The following LRP1 variants were observed in gnomAD, a reference collection of about 807,000 sequenced individuals.
LRP1 encodes the protein prolow-density lipoprotein receptor-related protein 1.
A neutral mutation model predicts 541.5 loss-of-function variants in LRP1; 51 were observed. The observed-to-expected ratio is 0.09, with a 90% CI of 0.08 to 0.12. LRP1 has a LOEUF of 0.12. Ranked by LOEUF, LRP1 falls within the 10% of genes least tolerant of loss-of-function variation. The pLI is 1.00. For synonymous variants in LRP1, 2,219 were observed against 2,470.8 expected (o/e 0.90, Z 3.02); for missense variants, 3,878 against 6,376.2 (o/e 0.61, Z 13.34).
At position 57,165,798 on chromosome 12, in the gene LRP1, C is replaced by T. The variant is rs2035826339; in HGVS notation, c.2531-7C>T. On this transcript the variant is annotated splice_region_variant and splice_polypyrimidine_tract_variant and intron_variant, in intron 15 of 88. Coordinates refer to ENST00000243077, the MANE Select transcript of LRP1 (RefSeq NM_002332.3). This position sits in a 1 kb window ranked among gnomAD's most constrained non-coding sequence, Gnocchi z 4.5. Reference sequence around the variant, plus strand: ...CTTTCCCCCTCACGATCCTGTGGTGCCCACAGCGAACCCATCCTACGTGCC... The same window carrying T: ...CTTTCCCCCTCACGATCCTGTGGTGTCCACAGCGAACCCATCCTACGTGCC... 3 of 1,613,290 alleles carry T rather than the reference C, an allele frequency of 1.9e-6. No individual in the cohort carries two copies. The highest frequency in any genetic ancestry group is 1.3e-5 in the African/African-American group (1 of 75,072).
chr12:57,204,635 G>C lies in LRP1; in HGVS notation c.11080G>C (p.Val3694Leu), dbSNP rs146573053. 10 of 1,613,872 alleles carry C rather than the reference G, an allele frequency of 6.2e-6. No homozygotes were observed. The highest frequency in any genetic ancestry group is 8.5e-6 in the Non-Finnish European group (10 of 1,180,004). Residue 3694 changes from valine to leucine, a missense_variant, in exon 72 of 89, where the codon GTG becomes CTG. Around this residue, in one of 13 missense-constraint regions of LRP1, gnomAD observed 871 missense variants for 1,212.4 expected, o/e 0.72. Coordinates refer to ENST00000243077, the MANE Select transcript of LRP1 (RefSeq NM_002332.3). The surrounding 1 kb of genome is among the most constrained non-coding windows in gnomAD (Gnocchi z 5.3). ...DENPEECARFVCPPNRPFRCK... is the reference protein window; with the variant it reads ...DENPEECARFLCPPNRPFRCK... ...CCCCCTGGCTGCTGCAGCCCGGTTC[G>C]TGTGCCCTCCCAACCGGCCCTTCCG...
At position 57,184,377 on chromosome 12, in the gene LRP1, G is replaced by T; in HGVS notation, c.6111G>T (p.Arg2037=). ...AGTATCCGCGTATTGAGCGGTCTCG[G>T]CTAGATGGCACGGAGCGTGTGGTGC... ...WGQYPRIERS[R]LDGTERVVLV... The change falls in exon 38 of 89, where the codon CGG becomes CGT. Residue 2037 remains arginine (R), a synonymous_variant. Coordinates refer to ENST00000243077, the MANE Select transcript of LRP1 (RefSeq NM_002332.3). The surrounding 1 kb of genome is among the most constrained non-coding windows in gnomAD (Gnocchi z 7.8). 2 of 1,614,236 alleles carry T rather than the reference G, an allele frequency of 1.2e-6. No homozygotes were observed. The highest frequency in any genetic ancestry group is 8.5e-7 in the Non-Finnish European group (1 of 1,180,046).
At position 57,203,183 on chromosome 12, in the gene LRP1, C is replaced by T; in HGVS notation, c.10714C>T (p.Pro3572Ser). 1 of 1,584,048 alleles carries T rather than the reference C, an allele frequency of 6.3e-7. No homozygotes were observed. The highest frequency in any genetic ancestry group is 8.6e-7 in the Non-Finnish European group (1 of 1,164,536). ...CTGTCTCCCCCTGTCCTTCCCAGCC[C>T]CTCGGCCCTGCTCCGAGAGTGAGTT... ...GDNSDEESCT[P>S]RPCSESEFSC... The change falls in exon 69 of 89, where the codon CCT (proline) becomes TCT (serine). Residue 3572 changes from proline to serine, a missense_variant and splice_region_variant. Physicochemically the swap from Pro to Ser is moderately conservative, Grantham distance 74. Around this residue, in one of 13 missense-constraint regions of LRP1, gnomAD observed 278 missense variants for 536.3 expected, o/e 0.52. Transcript: ENST00000243077.
At chr12:57,142,262 CT>C (rs1049736865) in intron 3 of LRP1, among the ~76,000 whole-genome samples, 1 of 152,230 alleles carries the variant, frequency 6.6e-6, no homozygotes, top group African/African-American at 2.4e-5. Flanking sequence ...CTTCTCCCTT[CT>C]CTTTTCTTCG....
intron 68 of LRP1, 121 bp downstream of exon 68, chr12:57,202,658 C>T (rs912263241): frequency 4.5e-5 from 32 of 718,276 alleles, no homozygotes; most frequent in South Asian, 1.5e-4. Context: ...GGGCAGGAGC[C>T]GCCCTCCTCA....
In LRP1 at chr12:57,141,368, C is replaced by T. The variant is rs756901998; in HGVS notation, c.191-6C>T. On this transcript the variant is annotated splice_polypyrimidine_tract_variant and splice_region_variant and intron_variant, in intron 2 of 88. Transcript: ENST00000243077. Reference sequence around the variant, plus strand: ...TGTTCATGCCCACCCTTCTGTCTGCCCTCAGGTCCACAGAGTAAGGCCCAG... The same window carrying T: ...TGTTCATGCCCACCCTTCTGTCTGCTCTCAGGTCCACAGAGTAAGGCCCAG... The T allele has an allele frequency of 2.5e-5, 41 of 1,613,982 alleles. No individual in the cohort carries two copies. The highest frequency in any genetic ancestry group is 3.4e-5 in the Non-Finnish European group (40 of 1,180,000).
rs369556230 is a variant in LRP1, at chr12:57,177,458, C to T, written c.4228C>T (p.Leu1410=). ...ILFWTDWDAS[L]PRIEAASMSG... is the part of the protein sequence containing the mutation. ...GTTTTGGACAGACTGGGATGCCAGC[C>T]TGCCCCGCATTGAGGCAGCCTCCAT... The change falls in exon 26 of 89, where the codon CTG becomes TTG. Residue 1410 remains leucine (L), a synonymous_variant. Coordinates refer to ENST00000243077, the MANE Select transcript of LRP1 (RefSeq NM_002332.3). This position sits in a 1 kb window ranked among gnomAD's most constrained non-coding sequence, Gnocchi z 6.8. 2.2e-5 allele frequency: 35 copies of T among 1,607,192 alleles called. No homozygotes were observed. The highest frequency in any genetic ancestry group is 1.3e-5 in the African/African-American group (1 of 74,876).
chr12:57,143,927 G>A, intron 4 of LRP1, 129 bp downstream of exon 4: 3 of 1,226,658 alleles, frequency 2.4e-6, no homozygotes, highest in Non-Finnish European at 2.2e-6. Flanking sequence ...AAGAGAGGGG[G>A]TGCCACCACC....
At chr12:57,199,052 G>A (rs2036593466) in intron 60 of LRP1, among the ~76,000 whole-genome samples, 160 bp from the exon 61 acceptor site, 2 of 152,220 alleles carry the variant, frequency 1.3e-5, no homozygotes, top group Admixed American at 6.5e-5. Context: ...TCTGACACTT[G>A]TTAGCTGTGA....
chr12:57,179,657 T>A lies in LRP1; in HGVS notation c.4966+101T>A, dbSNP rs1480029577. On this transcript the variant is annotated intron_variant, in intron 29 of 88. Transcript: ENST00000243077. This position sits in a 1 kb window ranked among gnomAD's most constrained non-coding sequence, Gnocchi z 6.8. ...TTGGTCCGAGTGGTCCTTCTCCCAG[T>A]CCTGTTCCCCCTCAGTGCTCCAGCC... 1 of 1,408,542 alleles carries A rather than the reference T, an allele frequency of 7.1e-7. No homozygotes were observed. The highest frequency in any genetic ancestry group is 1.4e-5 in the African/African-American group (1 of 71,194). The allele number at this position is 1,408,542 out of a possible 1,614,324, so 87.3% of individuals were successfully genotyped here.
intron 22 of LRP1, among the ~76,000 whole-genome samples, chr12:57,174,764 C>T (rs2036010711): frequency 6.6e-6 from 1 of 152,106 alleles, no homozygotes; most frequent in Non-Finnish European, 1.5e-5. Context: ...GACCCCATCC[C>T]AAACAAACAA....
At chr12:57,164,306 T>C (rs2035797233) in intron 15 of LRP1, 2 of 152,248 alleles carry the variant, frequency 1.3e-5, no homozygotes. Context: ...AATGTTTCCC[T>C]ATGATTTACT....
rs35021926 is a variant in LRP1, at chr12:57,212,276, G to A, written c.13494+15G>A. On this transcript the variant is annotated intron_variant, in intron 88 of 88. Coordinates refer to ENST00000243077, the MANE Select transcript of LRP1 (RefSeq NM_002332.3). The surrounding 1 kb of genome is among the most constrained non-coding windows in gnomAD (Gnocchi z 5.0). ...ACCCTGACAAGGTGGGCTGGGAGGC[G>A]GGCAGGGTCGAGTGCCAAGAGGCCG... The A allele has an allele frequency of 0.013, 20,909 of 1,612,374 alleles. 406 individuals are homozygous for A. Among genetic ancestry groups the A allele is most frequent in the African/African-American group, 0.074 (5,576 of 74,994 alleles).
Position 57,211,233 on chromosome 12 carries a change from C to T in LRP1, c.12974C>T (p.Ser4325Phe), listed in dbSNP as rs1432697033. 6.2e-7 allele frequency: 1 copy of T among 1,614,214 alleles called. No individual in the cohort carries two copies. The highest frequency in any genetic ancestry group is 1.7e-5 in the Admixed American group (1 of 60,034). ...FGTCQMAADG[S>F]RQCRCTAYFE... ...ACATGCCAGATGGCTGCTGATGGCTCCCGACAATGCCGCTGCACTGCCTAC... is the reference window on the plus strand; with the variant it reads ...ACATGCCAGATGGCTGCTGATGGCTTCCGACAATGCCGCTGCACTGCCTAC... Residue 4325 changes from serine (S) to phenylalanine (F), a missense_variant, in exon 84 of 89, where the codon TCC becomes TTC. Coordinates refer to ENST00000243077, the MANE Select transcript of LRP1 (RefSeq NM_002332.3). This position sits in a 1 kb window ranked among gnomAD's most constrained non-coding sequence, Gnocchi z 4.3.
rs767453076 is a variant in LRP1 at position 57,205,616 on chromosome 12, C to G, written c.11529C>G (p.Gly3843=). 1.2e-6 allele frequency: 2 copies of G among 1,613,754 alleles called. No individual in the cohort carries two copies. Among genetic ancestry groups the G allele is most frequent in the Non-Finnish European group, 1.7e-6 (2 of 1,180,030 alleles). ...CCCAGCTCTGCAACAACACCAAGGG[C>G]GGCCACCTCTGCAGCTGCGCTCGGA... ...TCSQLCNNTK[G]GHLCSCARNF... Residue 3843 remains glycine (G), a synonymous_variant, in exon 75 of 89, where the codon GGC becomes GGG. Coordinates refer to ENST00000243077, the MANE Select transcript of LRP1 (RefSeq NM_002332.3). This position sits in a 1 kb window ranked among gnomAD's most constrained non-coding sequence, Gnocchi z 4.6.
rs937811455 is a variant in LRP1, at chr12:57,210,863, C to T, written c.12900C>T (p.Gly4300=). ...PQCRCLPGFL[G]DRCQYRQCSG... is the part of the protein sequence containing the mutation. ...GCCGATGCCTACCCGGCTTCCTGGG[C>T]GACCGCTGCCAGTACCGTGAGTGAG... The change falls in exon 83 of 89, where the codon GGC becomes GGT. Residue 4300 remains glycine (G), a synonymous_variant. Transcript: ENST00000243077. The T allele has an allele frequency of 3.1e-6, 5 of 1,612,178 alleles. No individual in the cohort carries two copies. The highest frequency in any genetic ancestry group is 2.2e-5 in the South Asian group (2 of 90,960).
intron 6 of LRP1, chr12:57,149,248 G>T (rs1467865495): frequency 4.6e-6 from 2 of 436,980 alleles, no homozygotes; most frequent in South Asian, 6.8e-5. Context: ...TTTGGGGAGG[G>T]GTGGCTCTAG....
Position 57,184,466 on chromosome 12 carries a change from C to T in LRP1, c.6186+14C>T, listed in dbSNP as rs778681118. The T allele has an allele frequency of 6.2e-6, 10 of 1,614,014 alleles. No homozygotes were observed. The highest frequency in any genetic ancestry group is 2.2e-5 in the East Asian group (1 of 44,900). On this transcript the variant is annotated intron_variant, in intron 38 of 88. Coordinates refer to ENST00000243077, the MANE Select transcript of LRP1 (RefSeq NM_002332.3). This position sits in a 1 kb window ranked among gnomAD's most constrained non-coding sequence, Gnocchi z 7.8. ...GTGGACTACCAGGTTCGCACGCCAA[C>T]TTGGCCTTGGATCCGATGGTAGACC...
intron 68 of LRP1, 145 bp downstream of exon 68, chr12:57,202,682 A>C: frequency 1.6e-6 from 1 of 633,826 alleles, no homozygotes; most frequent in Non-Finnish European, 2.8e-6. Flanking sequence ...ATCCCACTCC[A>C]TGTCGTGTAT....
Sources: allele counts gnomAD v4.1 joint callset (sites outside exome capture counted in the v4.1 genomes callset), GRCh38; gene constraint gnomAD v4.1.1; regional missense constraint gnomAD v4.1.1; non-coding constraint Gnocchi (gnomAD v3.1); transcripts MANE v1.5; gene names NCBI Gene and HGNC (gene_info 2026-07-23, HGNC 2026-07-21).